The following VAV3 variants were observed in gnomAD, a reference collection of about 807,000 sequenced individuals.
VAV3 encodes vav guanine nucleotide exchange factor 3.
VAV3 carries 94 observed loss-of-function variants against 131.2 expected under a neutral mutation model. The ratio of observed to expected loss-of-function variants is 0.72; its 90% CI spans 0.61 to 0.85. The LOEUF is 0.85. Ranked by LOEUF, VAV3 falls within the 40% of genes least tolerant of loss-of-function variation. The pLI is 0.00. For missense variants in VAV3, 939 were observed against 1,002.7 expected, an observed-to-expected ratio of 0.94 and a Z score of 0.86; for synonymous variants, 349 against 342.0, an observed-to-expected ratio of 1.02 and a Z score of -0.22.
intron 15 of VAV3, among the ~76,000 whole-genome samples, chr1:107,747,098 T>C (rs528535287): frequency 6.6e-6 from 1 of 152,276 alleles, no homozygotes; most frequent in Admixed American, 6.5e-5. Context: ...CAGGCTGATC[T>C]CGAACTCCTG....
intron 19 of VAV3, among the ~76,000 whole-genome samples, chr1:107,666,958 T>C (rs1037427230): frequency 7.2e-5 from 11 of 152,216 alleles, no homozygotes; most frequent in African/African-American, 2.7e-4. Flanking sequence ...TTCTGTATCA[T>C]TGATTTTCAA....
At chr1:107,779,620 G>T in intron 2 of VAV3, 128 bp from the exon 3 acceptor site, 1 of 533,390 alleles carries the variant, frequency 1.9e-6, no homozygotes, top group Non-Finnish European at 3.0e-6. Flanking sequence ...TCAAAGATGT[G>T]CAGAATGAGA....
At chr1:107,625,563 G>A (rs1192572944) in intron 20 of VAV3, among the ~76,000 whole-genome samples, 1 of 152,134 alleles carries the variant, frequency 6.6e-6, no homozygotes, top group East Asian at 1.9e-4. Flanking sequence ...CACTGTGCCA[G>A]GCCAGTAATT....
rs532735758 is a variant in VAV3, at chr1:107,609,862, C to T, written c.2015+69G>A. 69 of 1,499,102 alleles carry T rather than the reference C, an allele frequency of 4.6e-5. No individual in the cohort carries two copies. The African/African-American group carries it at 7.6e-4, about 17-fold the overall frequency. The allele number at this position is 1,499,102 out of a possible 1,614,324, so 92.9% of individuals were successfully genotyped here. A position where few individuals can be genotyped will look rare whatever the true frequency, so the allele number is the denominator to read the frequency against. The stretch of plus-strand genomic sequence containing the variant: ...AATGGAATATGGTTTACTACCCCCA[C>T]ATTTAAGGCATCCTGGAGCTAAGGG... On this transcript the variant is annotated intron_variant, in intron 22 of 26. Transcript: ENST00000370056.
chr1:107,757,519 T>A (rs11808011), intron 10 of VAV3, among the ~76,000 whole-genome samples, 190 bp from the exon 11 acceptor site: 1 of 151,956 alleles, frequency 6.6e-6, no homozygotes, highest in Non-Finnish European at 1.5e-5. Flanking sequence ...CAAAAAATCA[T>A]GAGACACAAT....
At chr1:107,853,918 C>A (rs961134825) in intron 2 of VAV3, among the ~76,000 whole-genome samples, 3 of 152,186 alleles carry the variant, frequency 2.0e-5, no homozygotes, top group African/African-American at 4.8e-5. Context: ...CAGATCTGAA[C>A]CCCCTGTGTA....
At chr1:107,605,326 ATAGGAGTGG>A (rs1652180663) in intron 22 of VAV3, among the ~76,000 whole-genome samples, 2 of 152,202 alleles carry the variant, frequency 1.3e-5, no homozygotes, top group Non-Finnish European at 2.9e-5. Flanking sequence ...TGACCTTATC[ATAGGAGTGG>A]TTAGCTATCT....
intron 15 of VAV3, among the ~76,000 whole-genome samples, chr1:107,720,522 T>C (rs987670166): frequency 2.1e-5 from 3 of 142,960 alleles, no homozygotes; most frequent in African/African-American, 7.8e-5. Context: ...CTACTAAAAA[T>C]ACAAAATTAG....
At chr1:107,785,668 G>A (rs1557846181) in intron 2 of VAV3, 1 of 1,111,532 alleles carries the variant, frequency 9.0e-7, no homozygotes, top group Non-Finnish European at 1.1e-6. Flanking sequence ...GAAAAACTTG[G>A]GCCCCAGAAG....
chr1:107,676,102 T>A (rs907438099), intron 19 of VAV3, among the ~76,000 whole-genome samples: 3 of 152,178 alleles, frequency 2.0e-5, no homozygotes, highest in African/African-American at 7.2e-5. Flanking sequence ...CAATAATAGA[T>A]GTACATTTTA....
chr1:107,783,687 T>C (rs1048441652), intron 2 of VAV3, among the ~76,000 whole-genome samples: 7 of 152,090 alleles, frequency 4.6e-5, no homozygotes, highest in African/African-American at 9.7e-5. Context: ...TGTGTCCCCA[T>C]AGGACCCCGG....
intron 2 of VAV3, among the ~76,000 whole-genome samples, chr1:107,821,096 ATAT>A (rs763282124): frequency 2.6e-5 from 4 of 152,218 alleles, no homozygotes; most frequent in Non-Finnish European, 2.9e-5. Context: ...ATAGAAGAAG[ATAT>A]TATAGAAACA....
intron 1 of VAV3, among the ~76,000 whole-genome samples, chr1:107,936,387 G>C (rs1673710624): frequency 6.6e-6 from 1 of 151,860 alleles, no homozygotes; most frequent in African/African-American, 2.4e-5. Context: ...GAACCAAAAA[G>C]GTAAATCAGA....
Position 107,964,759 on chromosome 1 carries a change from G to A in VAV3, c.111C>T (p.Leu37=). Residue 37 remains leucine, a synonymous_variant, in exon 1 of 27, where the codon CTC becomes CTT. Coordinates refer to ENST00000370056, the MANE Select transcript of VAV3 (RefSeq NM_006113.5). ...SAQVFDLAQT[L]RDGVLLCQLL... is the part of the protein sequence containing the mutation. The stretch of plus-strand genomic sequence containing the variant: ...GCTGGCAGAGCAGGACTCCATCGCG[G>A]AGGGTCTGCGCAAGGTCGAACACCT... 3 of 1,614,128 alleles carry A rather than the reference G, an allele frequency of 1.9e-6. No homozygotes were observed. Among genetic ancestry groups the A allele is most frequent in the Non-Finnish European group, 2.5e-6 (3 of 1,180,028 alleles).
At chr1:107,688,773 T>C (rs545121552) in intron 17 of VAV3, among the ~76,000 whole-genome samples, 51 of 152,332 alleles carry the variant, frequency 3.3e-4, no homozygotes, top group Admixed American at 3.2e-3. Flanking sequence ...TGCCTCGTTT[T>C]AAGAATCTAA....
chr1:107,843,658 G>A (rs770191418), intron 2 of VAV3, among the ~76,000 whole-genome samples: 2 of 151,822 alleles, frequency 1.3e-5, no homozygotes, highest in Non-Finnish European at 2.9e-5. Flanking sequence ...AGAAGGGGCT[G>A]GAACATAGAA....
At chr1:107,614,292 G>A (rs1220474727) in intron 21 of VAV3, among the ~76,000 whole-genome samples, 1 of 151,958 alleles carries the variant, frequency 6.6e-6, no homozygotes, top group African/African-American at 2.4e-5. Context: ...GAATTTTTGA[G>A]GAGATGGATG....
At chr1:107,733,094 AG>A (rs1662357685) in intron 15 of VAV3, among the ~76,000 whole-genome samples, 1 of 152,218 alleles carries the variant, frequency 6.6e-6, no homozygotes. Context: ...CAAGGAAAAC[AG>A]GGTCTGGAGT....
At chr1:107,624,242 T>C (rs1028830711) in intron 20 of VAV3, among the ~76,000 whole-genome samples, 5 of 152,132 alleles carry the variant, frequency 3.3e-5, no homozygotes, top group Non-Finnish European at 7.4e-5. Context: ...TACTCAAAAA[T>C]GTATTTGGTG....
Sources: allele counts gnomAD v4.1 joint callset (sites outside exome capture counted in the v4.1 genomes callset), GRCh38; gene constraint gnomAD v4.1.1; transcripts MANE v1.5; gene names NCBI Gene and HGNC (gene_info 2026-07-23, HGNC 2026-07-21).